Variants in ADARB1 observed in about 807,000 individuals in gnomAD.
ADARB1 encodes adenosine deaminase RNA specific B1, also known as double-stranded RNA-specific editase 1.
ADARB1 carries 10 observed loss-of-function variants against 52.4 expected under a neutral mutation model. That is an observed-to-expected ratio of 0.19 (90% confidence interval 0.12 to 0.32). The LOEUF is 0.32. ADARB1 is among the 10% of genes least tolerant of loss of function. ADARB1 has a pLI of 1.00. For missense variants in ADARB1, 643 were observed against 922.3 expected (o/e 0.70, Z 3.92); for synonymous variants, 349 against 371.1 (o/e 0.94, Z 0.68).
chr21:45,129,247 A>G (rs1372253482), intron 2 of ADARB1, among the ~76,000 whole-genome samples: 2 of 152,104 alleles, frequency 1.3e-5, no homozygotes, highest in African/African-American at 2.4e-5. Context: ...AAAGAAGAAC[A>G]TTTCTTTAGT....
At chr21:45,143,274 A>G (rs1026903634) in intron 2 of ADARB1, among the ~76,000 whole-genome samples, 1 of 152,110 alleles carries the variant, frequency 6.6e-6, no homozygotes, top group Non-Finnish European at 1.5e-5. Flanking sequence ...CTCAGACCCC[A>G]AGTCCAGCAG....
At chr21:45,144,470 A>G (rs1038467853) in intron 2 of ADARB1, among the ~76,000 whole-genome samples, 2 of 152,226 alleles carry the variant, frequency 1.3e-5, no homozygotes, top group African/African-American at 4.8e-5. Flanking sequence ...AAAGTTGGGA[A>G]AAAAAGAGCT....
intron 8 of ADARB1, among the ~76,000 whole-genome samples, chr21:45,203,041 G>C (rs116401443): frequency 6.6e-6 from 1 of 152,326 alleles, no homozygotes; most frequent in East Asian, 1.9e-4. Flanking sequence ...CCTGCAGCGC[G>C]TGCCACACTG....
chr21:45,109,851 C>G (rs534269585), intron 1 of ADARB1, among the ~76,000 whole-genome samples: 4 of 152,272 alleles, frequency 2.6e-5, no homozygotes, highest in African/African-American at 9.6e-5. Context: ...TGAAAACTTT[C>G]TGTGTGCGGT....
chr21:45,113,186 A>G lies in ADARB1; in HGVS notation c.-219-15216A>G, dbSNP rs2087624970. Among the ~76,000 whole-genome samples the G allele has an allele frequency of 2.6e-5, 4 of 152,100 alleles. No homozygotes were observed. The South Asian group carries it at 8.3e-4, about 32-fold the overall frequency. On this transcript the variant is annotated intron_variant, in intron 1 of 10. Coordinates refer to ENST00000348831, the MANE Select transcript of ADARB1 (RefSeq NM_001112.4). Reference sequence around the variant, plus strand: ...ACGCCTGTAATTCCAGCACTTTGGGAGGCCGAGGTGGGTGGATCACAAGGT... The same window carrying G: ...ACGCCTGTAATTCCAGCACTTTGGGGGGCCGAGGTGGGTGGATCACAAGGT...
intron 8 of ADARB1, among the ~76,000 whole-genome samples, chr21:45,188,613 G>GT (rs35827898): frequency 2.0e-3 from 73 of 36,210 alleles, no homozygotes; most frequent in South Asian, 4.7e-3. Flanking sequence ...TAGTTGAATT[G>GT]TTTTTTTTTT....
chr21:45,176,641 G>C lies in ADARB1; in HGVS notation c.940G>C (p.Gly314Arg). ...TPSRQPIPSE[G>R]LQLHLPQVLA... ...ATCTCGCCAGCCTATTCCCAGTGAG[G>C]GTCTTCAGCTGCATTTACCGCAGGT... Residue 314 changes from glycine to arginine, a missense_variant, in exon 4 of 11, where the codon GGT becomes CGT. Coordinates refer to ENST00000348831, the MANE Select transcript of ADARB1 (RefSeq NM_001112.4). The surrounding 1 kb of genome is among the most constrained non-coding windows in gnomAD (Gnocchi z 5.8). 4 of 1,610,528 alleles carry C rather than the reference G, an allele frequency of 2.5e-6. No individual in the cohort carries two copies. Among genetic ancestry groups the C allele is most frequent in the Non-Finnish European group, 3.4e-6 (4 of 1,178,376 alleles).
rs2086413333 is a variant in ADARB1, at chr21:45,088,011, C to G, written c.-220+13218C>G. ...AATGAGAGCCAGGTTTCTCACTGTCCCAGGAAGAAGTTACAAATAGCAAAA... is the reference window on the plus strand; with the variant it reads ...AATGAGAGCCAGGTTTCTCACTGTCGCAGGAAGAAGTTACAAATAGCAAAA... On this transcript the variant is annotated intron_variant, in intron 1 of 10. Coordinates refer to ENST00000348831, the MANE Select transcript of ADARB1 (RefSeq NM_001112.4). 3.9e-5 allele frequency among the ~76,000 whole-genome samples: 6 copies of G among 152,052 alleles called. No homozygotes were observed. The South Asian group carries it at 1.2e-3, about 32-fold the overall frequency.
intron 2 of ADARB1, chr21:45,146,268 T>C (rs1383039319): frequency 1.3e-5 from 2 of 152,272 alleles, no homozygotes; most frequent in East Asian, 3.8e-4. Context: ...TTGCAAGTTG[T>C]TTCTTGAATA....
intron 2 of ADARB1, among the ~76,000 whole-genome samples, chr21:45,130,420 A>G (rs1048468263): frequency 6.6e-6 from 1 of 152,248 alleles, no homozygotes; most frequent in Non-Finnish European, 1.5e-5. Flanking sequence ...TGGAAATTAT[A>G]AAATATTACG....
In ADARB1 at chr21:45,181,101, C is replaced by T. The variant is rs147790779; in HGVS notation, c.1078+657C>T. On this transcript the variant is annotated intron_variant, in intron 5 of 10. Coordinates refer to ENST00000348831, the MANE Select transcript of ADARB1 (RefSeq NM_001112.4). Reference sequence around the variant, plus strand: ...GAGGACCCCTGTCATGTGGGGCCGTCTCTGTACCCAGCATCTGCTCAGCCC... The same window carrying T: ...GAGGACCCCTGTCATGTGGGGCCGTTTCTGTACCCAGCATCTGCTCAGCCC... Among the ~76,000 whole-genome samples, 839 of 152,332 alleles carry T rather than the reference C, an allele frequency of 5.5e-3. 5 individuals are homozygous for T. Among genetic ancestry groups the T allele is most frequent in the African/African-American group, 0.019 (779 of 41,572 alleles).
At chr21:45,143,030 C>T (rs2089814299) in intron 2 of ADARB1, among the ~76,000 whole-genome samples, 1 of 152,192 alleles carries the variant, frequency 6.6e-6, no homozygotes, top group Admixed American at 6.5e-5. Flanking sequence ...TGCTCTGAAA[C>T]CTCAGTCTCC....
intron 8 of ADARB1, among the ~76,000 whole-genome samples, chr21:45,192,699 C>T (rs1167787572): frequency 6.6e-6 from 1 of 151,878 alleles, no homozygotes; most frequent in South Asian, 2.1e-4. Context: ...AAAGAGTTCA[C>T]CTGGAAAATG....
intron 1 of ADARB1, among the ~76,000 whole-genome samples, chr21:45,086,471 G>T (rs1278949270): frequency 6.6e-6 from 1 of 152,148 alleles, no homozygotes; most frequent in Non-Finnish European, 1.5e-5. Context: ...AATGTTCCCT[G>T]TGCTTGTCTG....
intron 2 of ADARB1, among the ~76,000 whole-genome samples, chr21:45,169,692 A>G (rs1241652066): frequency 6.6e-6 from 1 of 152,244 alleles, no homozygotes; most frequent in Admixed American, 6.5e-5. Flanking sequence ...ATTTAAAACC[A>G]GTTTCAGCCA....
chr21:45,164,001 A>C (rs2091118922), intron 2 of ADARB1, among the ~76,000 whole-genome samples: 1 of 152,194 alleles, frequency 6.6e-6, no homozygotes, highest in Non-Finnish European at 1.5e-5. Context: ...ACTAGTGTAC[A>C]TTTGAACACT....
chr21:45,213,898 T>C (rs2092815095), intron 9 of ADARB1, among the ~76,000 whole-genome samples: 1 of 152,214 alleles, frequency 6.6e-6, no homozygotes, highest in Non-Finnish European at 1.5e-5. Flanking sequence ...TTCTCTTTAG[T>C]AGATACCTAG....
chr21:45,124,777 G>GTGTA (rs1569035448), intron 1 of ADARB1, among the ~76,000 whole-genome samples: 6 of 128,852 alleles, frequency 4.7e-5, no homozygotes, highest in African/African-American at 1.7e-4. Context: ...GTGTGTGTGT[G>GTGTA]TGTGTGTGTA....
chr21:45,079,014 G>A (rs1213244389), intron 1 of ADARB1, among the ~76,000 whole-genome samples: 1 of 152,166 alleles, frequency 6.6e-6, no homozygotes, highest in Non-Finnish European at 1.5e-5. Context: ...CCTCCTTACT[G>A]CAGCTTGCTT....
Sources: allele counts gnomAD v4.1 joint callset (sites outside exome capture counted in the v4.1 genomes callset), GRCh38; gene constraint gnomAD v4.1.1; non-coding constraint Gnocchi (gnomAD v3.1); transcripts MANE v1.5; gene names NCBI Gene and HGNC (gene_info 2026-07-23, HGNC 2026-07-21).